Variants in SGIP1 observed in about 807,000 individuals in gnomAD.
SGIP1 encodes SH3-containing GRB2-like protein 3-interacting protein 1.
A neutral mutation model predicts 107.5 loss-of-function variants in SGIP1; 38 were observed. That is an observed-to-expected ratio of 0.35 (90% CI 0.27 to 0.46). SGIP1 has a LOEUF of 0.46. Among genes scored for constraint, SGIP1 ranks in the 20% least tolerant of loss-of-function variants. The pLI is 1.00. For synonymous variants in SGIP1, 365 were observed against 366.1 expected, an observed-to-expected ratio of 1.00 and a Z score of 0.03; for missense variants, 929 against 1,019.5, an observed-to-expected ratio of 0.91 and a Z score of 1.21.
At chr1:66,706,642 A>G (rs74929597) in intron 18 of SGIP1, among the ~76,000 whole-genome samples, 2,432 of 151,896 alleles carry the variant, frequency 0.016, 65 homozygotes, top group African/African-American at 0.055. Context: ...TTTCCTCAGT[A>G]TGAAAGTAAC....
chr1:66,624,532 CA>C (rs2072122697), intron 1 of SGIP1, among the ~76,000 whole-genome samples: 1 of 152,046 alleles, frequency 6.6e-6, no homozygotes, highest in African/African-American at 2.4e-5. Flanking sequence ...TTAGACAGAA[CA>C]GAGACATTTT....
intron 18 of SGIP1, among the ~76,000 whole-genome samples, chr1:66,699,046 C>T (rs1178340189): frequency 6.6e-6 from 1 of 152,048 alleles, no homozygotes; most frequent in East Asian, 1.9e-4. Context: ...CTCCTGTTTA[C>T]TCGTCTTTTC....
chr1:66,684,748 A>G (rs1449531626), intron 15 of SGIP1, among the ~76,000 whole-genome samples: 3 of 152,228 alleles, frequency 2.0e-5, no homozygotes, highest in Non-Finnish European at 2.9e-5. Context: ...AATTGAATTT[A>G]CCACTGATCT....
At chr1:66,708,979 G>C (rs371875691) in intron 18 of SGIP1, among the ~76,000 whole-genome samples, 27 of 151,722 alleles carry the variant, frequency 1.8e-4, no homozygotes, top group African/African-American at 6.3e-4. Context: ...TCAATCATTC[G>C]AATTTTTTTT....
At chr1:66,573,445 C>T (rs533978029) in intron 1 of SGIP1, among the ~76,000 whole-genome samples, 5 of 152,080 alleles carry the variant, frequency 3.3e-5, no homozygotes, top group South Asian at 4.1e-4. Context: ...TCTATCAGAA[C>T]GACACATGCA....
chr1:66,590,034 A>G (rs2063365567), intron 1 of SGIP1, among the ~76,000 whole-genome samples: 1 of 152,120 alleles, frequency 6.6e-6, no homozygotes, highest in Non-Finnish European at 1.5e-5. Flanking sequence ...TTAGACTAAG[A>G]CCTCAAGTGA....
chr1:66,701,132 T>C (rs925905468), intron 18 of SGIP1, among the ~76,000 whole-genome samples: 2 of 152,176 alleles, frequency 1.3e-5, no homozygotes, highest in Non-Finnish European at 2.9e-5. Flanking sequence ...TACCCTGACA[T>C]AGCAATAAAG....
Position 66,682,221 on chromosome 1 carries a change from T to A in SGIP1, c.1167T>A (p.Ile389=). 2 of 1,614,206 alleles carry A rather than the reference T, an allele frequency of 1.2e-6. No homozygotes were observed. Among genetic ancestry groups the A allele is most frequent in the Non-Finnish European group, 1.7e-6 (2 of 1,180,028 alleles). ...AGAAAGTCGCTGAGCAGACCTTCATTAAAGATGATTACTTAGAAACAATCT... is the reference window on the plus strand; with the variant it reads ...AGAAAGTCGCTGAGCAGACCTTCATAAAAGATGATTACTTAGAAACAATCT... ...VQKKVAEQTF[I]KDDYLETISS... The change falls in exon 15 of 25, where the codon ATT becomes ATA. Residue 389 remains isoleucine (I), a synonymous_variant. Transcript: ENST00000371037.
intron 1 of SGIP1, among the ~76,000 whole-genome samples, chr1:66,552,858 C>T (rs542369610): frequency 2.8e-4 from 43 of 152,030 alleles, no homozygotes; most frequent in Non-Finnish European, 5.6e-4. Flanking sequence ...AGAGAGAAAA[C>T]GACTTCAACC....
chr1:66,730,631 C>G (rs1414093942), intron 20 of SGIP1, among the ~76,000 whole-genome samples: 1 of 152,192 alleles, frequency 6.6e-6, no homozygotes, highest in African/African-American at 2.4e-5. Context: ...AATCAGGTCT[C>G]CTTTGTTCAC....
At chr1:66,741,506 T>C (rs1027688471) in intron 24 of SGIP1, 70 bp downstream of exon 24, 10 of 1,400,368 alleles carry the variant, frequency 7.1e-6, no homozygotes, top group Non-Finnish European at 9.4e-6. Context: ...GAGGAATAGG[T>C]TGTGATTTTC....
At chr1:66,587,513 C>T (rs1364142855) in intron 1 of SGIP1, among the ~76,000 whole-genome samples, 1 of 152,066 alleles carries the variant, frequency 6.6e-6, no homozygotes, top group East Asian at 1.9e-4. Flanking sequence ...AATCAACTTT[C>T]TAATCCAATC....
chr1:66,729,236 C>G (rs766210464), intron 19 of SGIP1, 28 bp from the exon 20 acceptor site: 2 of 1,595,486 alleles, frequency 1.3e-6, no homozygotes. Context: ...TTTTCTCTCT[C>G]TTTCCTCTCT....
intron 14 of SGIP1, among the ~76,000 whole-genome samples, 190 bp downstream of exon 14, chr1:66,679,942 CA>C (rs1445339437): frequency 1.3e-5 from 2 of 152,200 alleles, no homozygotes; most frequent in Admixed American, 1.3e-4. Context: ...TTCACACACA[CA>C]AAAAAGTAAT....
chr1:66,604,001 G>T (rs2066349916), intron 1 of SGIP1, among the ~76,000 whole-genome samples: 1 of 152,114 alleles, frequency 6.6e-6, no homozygotes, highest in African/African-American at 2.4e-5. Flanking sequence ...TTCCATAATT[G>T]ATCAGAGAAT....
intron 1 of SGIP1, among the ~76,000 whole-genome samples, chr1:66,584,746 A>G (rs1266289666): frequency 3.3e-5 from 5 of 152,294 alleles, no homozygotes; most frequent in African/African-American, 9.6e-5. Flanking sequence ...AGTGGTAGGT[A>G]TATGAAGCAA....
intron 18 of SGIP1, among the ~76,000 whole-genome samples, chr1:66,708,045 G>C (rs894364953): frequency 6.6e-6 from 1 of 152,184 alleles, no homozygotes; most frequent in South Asian, 2.1e-4. Flanking sequence ...GCTAGATCTC[G>C]GATCACAACT....
chr1:66,640,538 T>C (rs1022445187), intron 5 of SGIP1, among the ~76,000 whole-genome samples: 1 of 152,072 alleles, frequency 6.6e-6, no homozygotes, highest in South Asian at 2.1e-4. Flanking sequence ...ACAGAGTTGA[T>C]GAGGTCCCTG....
At chr1:66,656,007 A>G (rs935014687) in intron 7 of SGIP1, among the ~76,000 whole-genome samples, 1 of 152,314 alleles carries the variant, frequency 6.6e-6, no homozygotes, top group African/African-American at 2.4e-5. Flanking sequence ...GCTGTATGAA[A>G]ATACTTTATA....
Sources: gnomAD v4.1 joint callset for allele counts (sites outside exome capture counted in the v4.1 genomes callset) on GRCh38, gnomAD v4.1.1 for gene constraint, MANE v1.5 for transcripts, NCBI Gene and HGNC (gene_info 2026-07-23, HGNC 2026-07-21) for gene names.